The following SZT2 variants were observed in gnomAD, a reference collection of about 807,000 sequenced individuals.
The protein encoded by SZT2 is SZT2 subunit of KICSTOR complex.
Under a neutral mutation model 404.2 loss-of-function variants are expected in SZT2, and 216 were observed. The ratio of observed to expected loss-of-function variants is 0.53; its 90% CI spans 0.48 to 0.60. SZT2 has a LOEUF of 0.60. Among genes scored for constraint, SZT2 ranks in the 20% least tolerant of loss-of-function variants. The pLI is 0.00. For synonymous variants in SZT2, 1,693 were observed against 1,749.9 expected, an observed-to-expected ratio of 0.97 and a Z score of 0.81; for missense variants, 3,857 against 4,459.2, an observed-to-expected ratio of 0.86 and a Z score of 3.85.
chr1:43,448,660 G>A lies in SZT2; in HGVS notation c.10018G>A (p.Val3340Ile). The change falls in exon 70 of 72, where the codon GTT (valine) becomes ATT (isoleucine). Residue 3340 changes from valine (V) to isoleucine (I), a missense_variant. By Grantham distance (29) the Val-to-Ile change is conservative (BLOSUM62 3). Transcript: ENST00000634258. The surrounding 1 kb of genome is among the most constrained non-coding windows in gnomAD (Gnocchi z 4.2). ...TVSWYQSLIK[V>I]LLSRFPQSCR... ...CTCCTGGTACCAGAGCCTGATCAAA[G>A]TTCTCCTAAGCCGCTTCCCCCAGAG... 1 of 1,614,178 alleles carries A rather than the reference G, an allele frequency of 6.2e-7. No individual in the cohort carries two copies.
rs754673507 is a variant in SZT2, at chr1:43,448,632, G to A, written c.9990G>A (p.Thr3330=). Residue 3330 remains threonine (T), a synonymous_variant, in exon 70 of 72, where the codon ACG becomes ACA. Transcript: ENST00000634258. The surrounding 1 kb of genome is among the most constrained non-coding windows in gnomAD (Gnocchi z 4.2). ...CTCAGGACTGCTTCCTATCCATGAC[G>A]GTCTCCTGGTACCAGAGCCTGATCA... ...DPQLDCFLSM[T]VSWYQSLIKV... 28 of 1,614,036 alleles carry A rather than the reference G, an allele frequency of 1.7e-5. No homozygotes were observed. Among genetic ancestry groups the A allele is most frequent in the Admixed American group, 1.3e-4 (8 of 59,994 alleles).
In SZT2 at chr1:43,422,506, C is replaced by G. The variant is rs866923152; in HGVS notation, c.1796C>G (p.Pro599Arg). 1 of 1,594,696 alleles carries G rather than the reference C, an allele frequency of 6.3e-7. No homozygotes were observed. The highest frequency in any genetic ancestry group is 8.5e-7 in the Non-Finnish European group (1 of 1,177,870). Residue 599 changes from proline (P) to arginine (R), a missense_variant, in exon 13 of 72, where the codon CCG (proline) becomes CGG (arginine). Around this residue, in one of 7 missense-constraint regions of SZT2, gnomAD observed 1,725 missense variants for 1,881.0 expected, o/e 0.92. Transcript: ENST00000634258. ...DTPIPKHLHTPGSNGRYSTIQ... is the reference protein window; with the variant it reads ...DTPIPKHLHTRGSNGRYSTIQ... ...CCAATCCCCAAGCACTTGCACACCC[C>G]GGGCAGCAATGGGCGCTACAGCACT...
At chr1:43,443,533 C>A (rs1163390822) in intron 61 of SZT2, 56 bp downstream of exon 61, 3 of 1,613,298 alleles carry the variant, frequency 1.9e-6, no homozygotes, top group Non-Finnish European at 1.7e-6. Flanking sequence ...AGTGACCCCC[C>A]TCCTCCATCC....
intron 41 of SZT2, 57 bp from the exon 42 acceptor site, chr1:43,435,143 C>T: frequency 1.3e-6 from 2 of 1,595,642 alleles, no homozygotes; most frequent in Non-Finnish European, 8.6e-7. Context: ...CCCTGACCAC[C>T]ACCACCCACT....
chr1:43,422,830 A>G lies in SZT2; in HGVS notation c.1984A>G (p.Met662Val), dbSNP rs1172758954. Reference protein sequence around the residue: ...MVRIISKAPCMVLRLGFPIGT... With the variant: ...MVRIISKAPCVVLRLGFPIGT... The stretch of plus-strand genomic sequence containing the variant: ...CCGTATCATTTCCAAGGCCCCATGC[A>G]TGGTTCTTCGCCTGGGTTTTCCCAT... The change falls in exon 14 of 72, where the codon ATG becomes GTG. Residue 662 changes from methionine (M) to valine (V), a missense_variant. By Grantham distance (21) the Met-to-Val change is conservative (BLOSUM62 1). This residue lies in a region of SZT2 where 1,725 missense variants were observed against 1,881.0 expected (regional missense o/e 0.92). Coordinates refer to ENST00000634258, the MANE Select transcript of SZT2 (RefSeq NM_001365999.1). The G allele has an allele frequency of 2.5e-6, 4 of 1,594,146 alleles. No homozygotes were observed. The highest frequency in any genetic ancestry group is 4.5e-5 in the East Asian group (2 of 44,732).
rs776660274 is a variant in SZT2, at chr1:43,442,574, T to C, written c.8107T>C (p.Phe2703Leu). 3 of 1,613,374 alleles carry C rather than the reference T, an allele frequency of 1.9e-6. No individual in the cohort carries two copies. Among genetic ancestry groups the C allele is most frequent in the Non-Finnish European group, 2.5e-6 (3 of 1,179,600 alleles). Residue 2703 changes from phenylalanine (F) to leucine (L), a missense_variant, in exon 58 of 72, where the codon TTC becomes CTC. Transcript: ENST00000634258. The surrounding 1 kb of genome is among the most constrained non-coding windows in gnomAD (Gnocchi z 4.5). ...CCTACTCAGCCAGAAGCTTGGCCTC[T>C]TCCATCATTATGGCCAGTTGGACTT... The part of the protein sequence containing the change: ...FCLLSQKLGL[F>L]HHYGQLDFPV...
chr1:43,417,546 C>G (rs1429536742), intron 7 of SZT2, among the ~76,000 whole-genome samples: 2 of 152,178 alleles, frequency 1.3e-5, no homozygotes, highest in African/African-American at 4.8e-5. Context: ...GCATGCTGGT[C>G]TAAATCCTGA....
chr1:43,421,162 C>T lies in SZT2; in HGVS notation c.1497-12C>T, dbSNP rs754142396. The T allele has an allele frequency of 2.5e-6, 4 of 1,598,196 alleles. No individual in the cohort carries two copies. In the South Asian group the frequency reaches 4.4e-5, roughly 18 times the overall value. On this transcript the variant is annotated splice_polypyrimidine_tract_variant and intron_variant, in intron 10 of 71. Coordinates refer to ENST00000634258, the MANE Select transcript of SZT2 (RefSeq NM_001365999.1). ...AGTCAGATATGGCTCAGGCCTGGCCCTTATTCTACAGCATCAACCAGACAG... is the reference window on the plus strand; with the variant it reads ...AGTCAGATATGGCTCAGGCCTGGCCTTTATTCTACAGCATCAACCAGACAG...
At position 43,426,393 on chromosome 1, in the gene SZT2, G is replaced by C; in HGVS notation, c.3069G>C (p.Glu1023Asp). The change falls in exon 22 of 72, where the codon GAG becomes GAC. Residue 1023 changes from glutamate (E) to aspartate (D), a missense_variant. By Grantham distance (45) the Glu-to-Asp change is conservative. Around this residue, in one of 7 missense-constraint regions of SZT2, gnomAD observed 1,725 missense variants for 1,881.0 expected, o/e 0.92. Transcript: ENST00000634258. The surrounding 1 kb of genome is among the most constrained non-coding windows in gnomAD (Gnocchi z 4.9). ...AGCCAGAGGGTGTCCCTTTCGCCGA[G>C]GGGTCCTGTCCTGCCAACGACATGG... ...AREPEGVPFA[E>D]GSCPANDMVL... The C allele has an allele frequency of 6.3e-7, 1 of 1,578,038 alleles. No individual in the cohort carries two copies. The highest frequency in any genetic ancestry group is 8.6e-7 in the Non-Finnish European group (1 of 1,168,302).
chr1:43,438,689 C>T lies in SZT2; in HGVS notation c.6509-10C>T, dbSNP rs1004042507. On this transcript the variant is annotated splice_polypyrimidine_tract_variant and intron_variant, in intron 46 of 71. Coordinates refer to ENST00000634258, the MANE Select transcript of SZT2 (RefSeq NM_001365999.1). ...CAGTGTCCCCACCTTCCCACCATGG[C>T]TGTGTCAAGGTCCTGAGATCACGGA... 2 of 1,612,850 alleles carry T rather than the reference C, an allele frequency of 1.2e-6. No individual in the cohort carries two copies. Among genetic ancestry groups the T allele is most frequent in the African/African-American group, 1.3e-5 (1 of 74,902 alleles).
In SZT2 at chr1:43,429,835, C is replaced by T. The variant is rs749894904; in HGVS notation, c.4299C>T (p.Ser1433=). The T allele has an allele frequency of 9.3e-6, 15 of 1,614,000 alleles. No homozygotes were observed. Among genetic ancestry groups the T allele is most frequent in the South Asian group, 4.4e-5 (4 of 91,088 alleles). ...LRGEAHGALH[S]VIQEKFLEIS... Reference sequence around the variant, plus strand: ...GAGAGGCCCATGGTGCCCTTCATAGCGTCATCCAGGTGGGAAGCTTGGGTG... The same window carrying T: ...GAGAGGCCCATGGTGCCCTTCATAGTGTCATCCAGGTGGGAAGCTTGGGTG... Residue 1433 remains serine, a synonymous_variant, in exon 29 of 72, where the codon AGC becomes AGT. Transcript: ENST00000634258.
intron 30 of SZT2, 58 bp from the exon 31 acceptor site, chr1:43,430,253 C>A (rs1653701635): frequency 4.4e-6 from 7 of 1,591,518 alleles, no homozygotes; most frequent in Non-Finnish European, 4.3e-6. Flanking sequence ...ATCCCACTTG[C>A]CTAGGATGAG....
chr1:43,410,193 G>C (rs938076226), intron 4 of SZT2: 2 of 152,152 alleles, frequency 1.3e-5, no homozygotes, highest in African/African-American at 4.8e-5. Flanking sequence ...GGGAAGACTG[G>C]ATATTCATAT....
intron 8 of SZT2, 53 bp downstream of exon 8, chr1:43,419,997 A>C: frequency 6.3e-7 from 1 of 1,586,010 alleles, no homozygotes; most frequent in Non-Finnish European, 8.6e-7. Flanking sequence ...GAATGGGCCC[A>C]GAGATGATGG....
rs369248602 is a variant in SZT2 at position 43,448,881 on chromosome 1, C to T, written c.10086+153C>T. On this transcript the variant is annotated intron_variant, in intron 70 of 71. Coordinates refer to ENST00000634258, the MANE Select transcript of SZT2 (RefSeq NM_001365999.1). The surrounding 1 kb of genome is among the most constrained non-coding windows in gnomAD (Gnocchi z 4.2). ...GATACATGTAAAACCCTTCCAGTAC[C>T]GGGCATCGAGCTACAGCATGTGATT... 7.6e-5 allele frequency: 54 copies of T among 708,756 alleles called. 1 individual carries two copies. Among genetic ancestry groups the T allele is most frequent in the East Asian group, 6.2e-4 (25 of 40,124 alleles). 43.9% of individuals were successfully genotyped at this position (708,756 alleles called of 1,614,324 possible).
Position 43,446,336 on chromosome 1 carries a change from C to T in SZT2, c.8998-6C>T, listed in dbSNP as rs1655670212. 6.2e-7 allele frequency: 1 copy of T among 1,614,136 alleles called. No individual in the cohort carries two copies. The highest frequency in any genetic ancestry group is 1.1e-5 in the South Asian group (1 of 91,096). The stretch of plus-strand genomic sequence containing the variant: ...CTTCCTGATCTCATCTTCACCTTCC[C>T]TCCAGGGCTGTTACTTCTGTGTCAA... On this transcript the variant is annotated splice_polypyrimidine_tract_variant and splice_region_variant and intron_variant, in intron 64 of 71. Coordinates refer to ENST00000634258, the MANE Select transcript of SZT2 (RefSeq NM_001365999.1).
chr1:43,440,643 C>T, intron 52 of SZT2, 57 bp downstream of exon 52: 1 of 1,484,512 alleles, frequency 6.7e-7, no homozygotes, highest in Non-Finnish European at 8.9e-7. Context: ...CCTAGCTCCT[C>T]CCACACTCCC....
chr1:43,449,700 C>A, intron 70 of SZT2: 1 of 294,066 alleles, frequency 3.4e-6, no homozygotes, highest in Non-Finnish European at 6.7e-6. Flanking sequence ...GCAAATCATC[C>A]CGGGATGGAT....
In SZT2 at chr1:43,427,194, C is replaced by T; in HGVS notation, c.3433+15C>T. 6.2e-7 allele frequency: 1 copy of T among 1,613,662 alleles called. No homozygotes were observed. The highest frequency in any genetic ancestry group is 8.5e-7 in the Non-Finnish European group (1 of 1,179,790). On this transcript the variant is annotated intron_variant, in intron 24 of 71. Coordinates refer to ENST00000634258, the MANE Select transcript of SZT2 (RefSeq NM_001365999.1). Reference sequence around the variant, plus strand: ...TACCTTCTCAGGTGCCAGCTGCTGACCTCCTCACGAACCCCCTCAGATACA... The same window carrying T: ...TACCTTCTCAGGTGCCAGCTGCTGATCTCCTCACGAACCCCCTCAGATACA...
Sources: gnomAD v4.1 joint callset for allele counts (sites outside exome capture counted in the v4.1 genomes callset) on GRCh38, gnomAD v4.1.1 for gene constraint, gnomAD v4.1.1 regional missense constraint, Gnocchi (gnomAD v3.1) non-coding constraint, MANE v1.5 for transcripts, NCBI Gene and HGNC (gene_info 2026-07-23, HGNC 2026-07-21) for gene names.